The following TRIM2 variants were observed in gnomAD, a reference collection of about 807,000 sequenced individuals.
The protein encoded by TRIM2 is tripartite motif-containing protein 2.
A neutral mutation model predicts 75.2 loss-of-function variants in TRIM2; 20 were observed. The observed-to-expected ratio is 0.27, with a 90% CI of 0.19 to 0.39. The LOEUF is 0.39. Ranked by LOEUF, TRIM2 falls within the 10% of genes least tolerant of loss-of-function variation. The pLI, the probability that TRIM2 is intolerant of heterozygous loss-of-function variation, is 1.00. For missense variants in TRIM2, 660 were observed against 990.8 expected, an observed-to-expected ratio of 0.67 and a Z score of 4.48; for synonymous variants, 373 against 388.3, an observed-to-expected ratio of 0.96 and a Z score of 0.46.
At chr4:153,156,647 T>G (rs544855137) in intron 1 of TRIM2, 2 of 152,196 alleles carry the variant, frequency 1.3e-5, no homozygotes, top group Non-Finnish European at 2.9e-5. Flanking sequence ...GCACCATTGT[T>G]GAAGTATGAT....
intron 1 of TRIM2, among the ~76,000 whole-genome samples, chr4:153,241,327 T>G (rs537218639): frequency 1.3e-5 from 2 of 152,346 alleles, no homozygotes; most frequent in South Asian, 4.1e-4. Context: ...CACCCAGTCC[T>G]TCCTCATCGC....
Position 153,171,581 on chromosome 4 carries a change from A to T in TRIM2, c.-49+18311A>T, listed in dbSNP as rs1730853055. Among the ~76,000 whole-genome samples, 3 of 152,158 alleles carry T rather than the reference A, an allele frequency of 2.0e-5. No homozygotes were observed. In the South Asian group the frequency reaches 6.2e-4, roughly 32 times the overall value. ...AGCCTAGGCAACAGAGCGAGACTCC[A>T]TCTCAAAAACACAAAACAAAACAAA... On this transcript the variant is annotated intron_variant, in intron 1 of 11. Transcript: ENST00000437508.
intron 1 of TRIM2, among the ~76,000 whole-genome samples, chr4:153,241,520 A>C (rs889700225): frequency 1.3e-5 from 2 of 152,208 alleles, no homozygotes; most frequent in Non-Finnish European, 2.9e-5. Flanking sequence ...AGAGTGATAC[A>C]TAACAAAGGG....
chr4:153,271,824 T>C (rs1289153620), intron 2 of TRIM2, among the ~76,000 whole-genome samples: 1 of 152,226 alleles, frequency 6.6e-6, no homozygotes, highest in African/African-American at 2.4e-5. Context: ...TCGGCATAGC[T>C]TGGCTGATAC....
Position 153,187,904 on chromosome 4 carries a change from G to A in TRIM2, c.-49+34634G>A, listed in dbSNP as rs546960218. 7.9e-5 allele frequency among the ~76,000 whole-genome samples: 12 copies of A among 152,232 alleles called. No homozygotes were observed. In the South Asian group the frequency reaches 2.1e-3, roughly 26 times the overall value. On this transcript the variant is annotated intron_variant, in intron 1 of 11. Transcript: ENST00000437508. Reference sequence around the variant, plus strand: ...GTCCGCCAAGTCCTGAGTGCACAACGTCCTATTATATCTGGTCCTATTATA... The same window carrying A: ...GTCCGCCAAGTCCTGAGTGCACAACATCCTATTATATCTGGTCCTATTATA...
intron 6 of TRIM2, among the ~76,000 whole-genome samples, chr4:153,296,633 G>T (rs1274835759): frequency 6.6e-6 from 1 of 152,222 alleles, no homozygotes; most frequent in Non-Finnish European, 1.5e-5. Context: ...TGGGGTTGAG[G>T]CGGGGTTGGG....
chr4:153,157,421 A>G (rs1224279370), intron 1 of TRIM2, among the ~76,000 whole-genome samples: 1 of 152,152 alleles, frequency 6.6e-6, no homozygotes, highest in African/African-American at 2.4e-5. Context: ...GGGAGTTTTG[A>G]AGTTAGAATG....
chr4:153,235,780 C>T (rs1744872855), intron 1 of TRIM2, among the ~76,000 whole-genome samples: 1 of 152,174 alleles, frequency 6.6e-6, no homozygotes, highest in African/African-American at 2.4e-5. Flanking sequence ...TCCTTCTGAT[C>T]AGATTACCTT....
intron 3 of TRIM2, among the ~76,000 whole-genome samples, chr4:153,282,876 T>A (rs1330878545): frequency 6.6e-6 from 1 of 151,842 alleles, no homozygotes; most frequent in Non-Finnish European, 1.5e-5. Context: ...GCAGCCTCAA[T>A]CTCCTAGGCT....
In TRIM2 at chr4:153,166,116, T is replaced by TA. The variant is rs58499126; in HGVS notation, c.-49+12855dup. ...CAAGGGCTCACTCCTTGTTCTTTTTTAAAAAAAAATCCTGTTCTTATTTCA... is the reference window on the plus strand; with the variant it reads ...CAAGGGCTCACTCCTTGTTCTTTTTTAAAAAAAAAATCCTGTTCTTATTTCA... On this transcript the variant is annotated intron_variant, in intron 1 of 11. Transcript: ENST00000437508. Among the ~76,000 whole-genome samples, 494 of 152,096 alleles carry TA rather than the reference T, an allele frequency of 3.2e-3. 4 individuals carry two copies. Among genetic ancestry groups the TA allele is most frequent in the African/African-American group, 0.011 (470 of 41,528 alleles).
At chr4:153,168,958 G>T (rs1730575079) in intron 1 of TRIM2, among the ~76,000 whole-genome samples, 1 of 152,102 alleles carries the variant, frequency 6.6e-6, no homozygotes, top group African/African-American at 2.4e-5. Context: ...GCACATGCCT[G>T]TAGTCCCAGA....
intron 1 of TRIM2, 26 bp from the exon 2 acceptor site, chr4:153,270,309 T>C (rs1560921749): frequency 2.5e-6 from 4 of 1,597,412 alleles, no homozygotes; most frequent in Non-Finnish European, 3.4e-6. Context: ...TTATATGTTT[T>C]TCTGTTTTGA....
intron 1 of TRIM2, among the ~76,000 whole-genome samples, chr4:153,167,672 G>A (rs1266152308): frequency 2.6e-5 from 4 of 152,200 alleles, no homozygotes; most frequent in African/African-American, 4.8e-5. Context: ...CCTGGGACAA[G>A]TATAAAACTA....
At chr4:153,322,938 C>A in intron 9 of TRIM2, 122 bp downstream of exon 9, 1 of 1,331,436 alleles carries the variant, frequency 7.5e-7, no homozygotes, top group Non-Finnish European at 1.0e-6. Context: ...GGGAAAGATG[C>A]TGGGGATAAA....
At chr4:153,215,234 C>G (rs150884943) in intron 1 of TRIM2, among the ~76,000 whole-genome samples, 1,765 of 152,256 alleles carry the variant, frequency 0.012, 18 homozygotes, top group Middle Eastern at 0.02. Flanking sequence ...CTGATGTAGA[C>G]TGGGAACTGA....
intron 1 of TRIM2, among the ~76,000 whole-genome samples, chr4:153,163,587 C>T (rs556779707): frequency 3.4e-5 from 5 of 148,596 alleles, no homozygotes; most frequent in East Asian, 2.0e-4. Flanking sequence ...CTGCAACCTC[C>T]GCTTCCCAGG....
chr4:153,201,455 T>C (rs564547436), upstream of TRIM2, among the ~76,000 whole-genome samples: 615 of 152,292 alleles, frequency 4.0e-3, 7 homozygotes, highest in African/African-American at 0.014. Context: ...ACTAGAACCT[T>C]ATCAGATATA....
chr4:153,264,426 G>A (rs988451499), intron 1 of TRIM2, among the ~76,000 whole-genome samples: 8 of 152,290 alleles, frequency 5.3e-5, no homozygotes, highest in African/African-American at 1.9e-4. Flanking sequence ...CCCTTCAGAA[G>A]TTAGTTTTGC....
chr4:153,201,078 C>T (rs1734317466), upstream of TRIM2, among the ~76,000 whole-genome samples: 1 of 152,138 alleles, frequency 6.6e-6, no homozygotes, highest in South Asian at 2.1e-4. Flanking sequence ...ATTCTCCTTC[C>T]TCAACCTACC....
Sources: allele counts gnomAD v4.1 joint callset (sites outside exome capture counted in the v4.1 genomes callset), GRCh38; gene constraint gnomAD v4.1.1; transcripts MANE v1.5; gene names NCBI Gene and HGNC (gene_info 2026-07-23, HGNC 2026-07-21).